The following CCDC171 variants were observed in gnomAD, a reference collection of about 807,000 sequenced individuals.
CCDC171 encodes coiled-coil domain containing 171.
Under a neutral mutation model 168.2 loss-of-function variants are expected in CCDC171, and 177 were observed. The observed-to-expected ratio is 1.05, with a 90% CI of 0.93 to 1.19. The LOEUF (loss-of-function observed/expected upper bound fraction) is 1.19, where lower values mean the gene tolerates loss of function less well. CCDC171 is among the 50% of genes most tolerant of loss of function. CCDC171 has a pLI of 0.00. For missense variants in CCDC171, 1,991 were observed against 1,539.0 expected, an observed-to-expected ratio of 1.29 and a Z score of -4.91; for synonymous variants, 687 against 540.8, an observed-to-expected ratio of 1.27 and a Z score of -3.75.
intron 9 of CCDC171, among the ~76,000 whole-genome samples, chr9:15,675,172 A>G (rs2049432847): frequency 7.1e-6 from 1 of 139,974 alleles, no homozygotes. Context: ...ATCAGAGACT[A>G]GGATTGCAAC....
At chr9:15,600,750 C>A (rs560397878) in intron 6 of CCDC171, among the ~76,000 whole-genome samples, 1 of 152,212 alleles carries the variant, frequency 6.6e-6, no homozygotes, top group African/African-American at 2.4e-5. Flanking sequence ...TCTACAGAGG[C>A]AGGCAGGCCT....
intron 21 of CCDC171, among the ~76,000 whole-genome samples, chr9:15,824,535 A>G (rs1355977231): frequency 6.6e-6 from 1 of 151,966 alleles, no homozygotes; most frequent in African/African-American, 2.4e-5. Flanking sequence ...TTTGATTCAC[A>G]TGATCTCCTG....
At chr9:15,666,461 A>G in intron 9 of CCDC171, 138 bp downstream of exon 9, 1 of 585,692 alleles carries the variant, frequency 1.7e-6, no homozygotes, top group Non-Finnish European at 2.9e-6. Flanking sequence ...GACTTCATAA[A>G]ACATAACTAT....
chr9:16,064,991 A>G (rs1017066544), downstream of CCDC171, among the ~76,000 whole-genome samples: 4 of 152,124 alleles, frequency 2.6e-5, no homozygotes, highest in African/African-American at 9.7e-5. Flanking sequence ...GCATCCCTTA[A>G]GTGCATTTGT....
In CCDC171 at chr9:15,820,481, T is replaced by C. The variant is rs181776012; in HGVS notation, c.3268-26221T>C. 2.8e-3 allele frequency among the ~76,000 whole-genome samples: 318 copies of C among 113,836 alleles called. 88 individuals are homozygous for C. The highest frequency in any genetic ancestry group is 6.5e-3 in the African/African-American group (195 of 30,102). The allele number at this position is 113,836 out of a possible 152,430, so 74.7% of individuals were successfully genotyped here. Reference sequence around the variant, plus strand: ...AGAAAAGAGAGAAGAATCAAATAGATGCAATAAAAAATGATAAAGGGGATA... The same window carrying C: ...AGAAAAGAGAGAAGAATCAAATAGACGCAATAAAAAATGATAAAGGGGATA... On this transcript the variant is annotated intron_variant, in intron 21 of 25. Transcript: ENST00000380701.
downstream of CCDC171, among the ~76,000 whole-genome samples, chr9:16,064,269 G>A: frequency 6.6e-6 from 1 of 152,074 alleles, no homozygotes; most frequent in African/African-American, 2.4e-5. Context: ...ATTCTCCCAA[G>A]TCCAGAATGT....
chr9:15,788,635 G>C (rs1195778823), intron 21 of CCDC171, among the ~76,000 whole-genome samples: 1 of 150,038 alleles, frequency 6.7e-6, no homozygotes, highest in African/African-American at 2.4e-5. Context: ...CCCAGGCCAC[G>C]ACCTCCTAGG....
At chr9:15,702,108 A>G (rs2051798042) in intron 11 of CCDC171, among the ~76,000 whole-genome samples, 1 of 152,218 alleles carries the variant, frequency 6.6e-6, no homozygotes, top group Admixed American at 6.5e-5. Context: ...GTGACCAAGT[A>G]CATTGTCAAT....
intron 9 of CCDC171, among the ~76,000 whole-genome samples, chr9:15,671,310 A>C (rs1025417500): frequency 9.9e-5 from 15 of 152,008 alleles, no homozygotes; most frequent in African/African-American, 2.7e-4. Flanking sequence ...TCTTCTGTCT[A>C]CTTTTTCCAG....
chr9:15,573,415 G>A (rs1162722880), intron 3 of CCDC171, among the ~76,000 whole-genome samples: 2 of 152,042 alleles, frequency 1.3e-5, no homozygotes, highest in African/African-American at 4.8e-5. Flanking sequence ...CCCAGTAGCT[G>A]GGACTACAGG....
At chr9:15,642,876 TTAA>T (rs2046751555) in intron 7 of CCDC171, among the ~76,000 whole-genome samples, 1 of 152,098 alleles carries the variant, frequency 6.6e-6, no homozygotes, top group Non-Finnish European at 1.5e-5. Flanking sequence ...AATTAACTAA[TTAA>T]TATATATACA....
rs769227358 is a variant in CCDC171 at position 15,578,845 on chromosome 9, T to C, written c.178-4T>C. 4 of 1,611,122 alleles carry C rather than the reference T, an allele frequency of 2.5e-6. No individual in the cohort carries two copies. Among genetic ancestry groups the C allele is most frequent in the Non-Finnish European group, 3.4e-6 (4 of 1,178,642 alleles). The stretch of plus-strand genomic sequence containing the variant: ...ACATGTTGATATCAGGAATCTGTTT[T>C]TAGCTGGCAAGCTATGAGAGCCAGA... On this transcript the variant is annotated splice_region_variant and splice_polypyrimidine_tract_variant and intron_variant, in intron 3 of 25. Transcript: ENST00000380701.
intron 25 of CCDC171, among the ~76,000 whole-genome samples, chr9:15,970,185 A>G (rs929902100): frequency 3.3e-5 from 5 of 152,284 alleles, no homozygotes; most frequent in Admixed American, 1.3e-4. Flanking sequence ...AGATGCAGAT[A>G]TTGATTTTTT....
chr9:15,590,038 A>G (rs2041867798), intron 4 of CCDC171, among the ~76,000 whole-genome samples: 1 of 152,238 alleles, frequency 6.6e-6, no homozygotes, highest in Non-Finnish European at 1.5e-5. Context: ...GCATAGCATT[A>G]TGAAATTTCA....
At chr9:16,074,736 A>G in the CCDC171 span, among the ~76,000 whole-genome samples, 1 of 152,230 alleles carries the variant, frequency 6.6e-6, no homozygotes, top group Admixed American at 6.5e-5. Flanking sequence ...AGAGTTTGAA[A>G]GTAAGAGAGT....
intron 25 of CCDC171, among the ~76,000 whole-genome samples, chr9:15,964,801 C>G (rs1263349694): frequency 6.6e-6 from 1 of 152,144 alleles, no homozygotes; most frequent in African/African-American, 2.4e-5. Context: ...ACTCTTGTCA[C>G]CCAGGCTGGA....
intron 8 of CCDC171, 55 bp downstream of exon 8, chr9:15,657,274 C>A: frequency 1.9e-6 from 2 of 1,038,372 alleles, no homozygotes; most frequent in Non-Finnish European, 3.0e-6. Context: ...GTTATAACAG[C>A]TGGGAAAAAC....
chr9:16,056,299 T>C (rs1399967917), intron 1 of CCDC171, among the ~76,000 whole-genome samples: 2 of 152,208 alleles, frequency 1.3e-5, no homozygotes, highest in East Asian at 3.8e-4. Flanking sequence ...GGAACTGGTC[T>C]ATGTTTGTAC....
At chr9:16,003,429 T>G (rs181754136) in intron 3 of CCDC171, among the ~76,000 whole-genome samples, 19 of 152,248 alleles carry the variant, frequency 1.2e-4, no homozygotes, top group Middle Eastern at 3.4e-3. Flanking sequence ...ACTAAATTGA[T>G]TGGAGAAGTT....
Sources: gnomAD v4.1 joint callset for allele counts (sites outside exome capture counted in the v4.1 genomes callset) on GRCh38, gnomAD v4.1.1 for gene constraint, MANE v1.5 for transcripts, NCBI Gene and HGNC (gene_info 2026-07-23, HGNC 2026-07-21) for gene names.